The following KCNMA1 variants were observed in gnomAD, a reference collection of about 807,000 sequenced individuals.
KCNMA1 encodes Calcium-activated potassium channel subunit alpha-1.
Under a neutral mutation model 140.0 loss-of-function variants are expected in KCNMA1, and 29 were observed. That is an observed-to-expected ratio of 0.21 (90% CI 0.15 to 0.28). The LOEUF (loss-of-function observed/expected upper bound fraction) is 0.28, where lower values mean the gene tolerates loss of function less well. Ranked by LOEUF, KCNMA1 falls within the 10% of genes least tolerant of loss-of-function variation. The pLI, the probability that KCNMA1 is intolerant of heterozygous loss-of-function variation, is 1.00. For synonymous variants in KCNMA1, 612 were observed against 611.9 expected (o/e 1.00, Z 0.00); for missense variants, 880 against 1,602.2 (o/e 0.55, Z 7.70).
chr10:77,069,649 T>A (rs1282344678), intron 14 of KCNMA1, among the ~76,000 whole-genome samples: 2 of 152,200 alleles, frequency 1.3e-5, no homozygotes, highest in African/African-American at 2.4e-5. Context: ...TTCAGAGATA[T>A]ATCCACATAG....
At chr10:77,537,004 G>A (rs1175778778) in intron 1 of KCNMA1, among the ~76,000 whole-genome samples, 1 of 152,210 alleles carries the variant, frequency 6.6e-6, no homozygotes, top group African/African-American at 2.4e-5. Context: ...GGAAAAATGT[G>A]TATTGACTTT....
chr10:77,040,366 T>TA (rs1359695605), intron 14 of KCNMA1, among the ~76,000 whole-genome samples: 2 of 151,928 alleles, frequency 1.3e-5, no homozygotes, highest in African/African-American at 2.4e-5. Flanking sequence ...AAAACAGAGG[T>TA]AAAAAAATAT....
intron 20 of KCNMA1, among the ~76,000 whole-genome samples, chr10:76,969,282 A>AAGGGAAGGAAGGAAGG (rs2075172158): frequency 3.3e-5 from 1 of 30,728 alleles, no homozygotes; most frequent in Non-Finnish European, 6.2e-5. Context: ...GAGGGGGAAG[A>AAGGGAAGGAAGGAAGG]AGGGAAGGAA....
At chr10:77,023,182 C>T (rs2093051435) in intron 16 of KCNMA1, among the ~76,000 whole-genome samples, 1 of 152,170 alleles carries the variant, frequency 6.6e-6, no homozygotes, top group South Asian at 2.1e-4. Flanking sequence ...GAAAGTAATG[C>T]ATTCCTTTCT....
chr10:77,581,634 C>A lies in KCNMA1; in HGVS notation c.378+55631G>T, dbSNP rs149511695. Among the ~76,000 whole-genome samples, 479 of 152,336 alleles carry A rather than the reference C, an allele frequency of 3.1e-3. 7 individuals carry two copies. Among genetic ancestry groups the A allele is most frequent in the South Asian group, 0.025 (122 of 4,828 alleles). On this transcript the variant is annotated intron_variant, in intron 1 of 27. Transcript: ENST00000286628. ...TTCTGGACTCTTAACTCAGGCAGGA[C>A]AAACAGTTGGTGGCCTGGGCCCACC...
Position 76,885,859 on chromosome 10 carries a change from G to C in KCNMA1, c.*1407C>G, listed in dbSNP as rs1200364465. 1 of 984,886 alleles carries C rather than the reference G, an allele frequency of 1.0e-6. No individual in the cohort carries two copies. The highest frequency in any genetic ancestry group is 1.2e-6 in the Non-Finnish European group (1 of 829,648). The allele number at this position is 984,886 out of a possible 1,614,324, so 61.0% of individuals were successfully genotyped here. ...TTAAAAAAGAAAGAAAACAAAAGAA[G>C]AAAAAAATAACTATACCAAAATGTG... On this transcript the variant is annotated 3_prime_UTR_variant, in exon 28 of 28. Coordinates refer to ENST00000286628, the MANE Select transcript of KCNMA1 (RefSeq NM_001161352.2).
At chr10:77,549,160 T>C (rs1476805427) in intron 1 of KCNMA1, among the ~76,000 whole-genome samples, 2 of 152,154 alleles carry the variant, frequency 1.3e-5, no homozygotes, top group African/African-American at 4.8e-5. Context: ...AACACTGAAG[T>C]AGGAACTCTA....
chr10:77,161,936 C>T (rs577832619), intron 5 of KCNMA1, among the ~76,000 whole-genome samples: 1 of 152,312 alleles, frequency 6.6e-6, no homozygotes, highest in African/African-American at 2.4e-5. Flanking sequence ...ATACCATGCA[C>T]AACAAGCAGA....
intron 14 of KCNMA1, among the ~76,000 whole-genome samples, chr10:77,049,885 T>C (rs1201870069): frequency 1.3e-5 from 2 of 152,250 alleles, no homozygotes; most frequent in Non-Finnish European, 2.9e-5. Context: ...CTGGGAAATT[T>C]TTCATTACAG....
intron 1 of KCNMA1, among the ~76,000 whole-genome samples, chr10:77,460,674 C>G (rs1236569059): frequency 1.3e-5 from 2 of 152,074 alleles, no homozygotes; most frequent in African/African-American, 4.8e-5. Flanking sequence ...CAAAGTCAGA[C>G]AGAAAGTGAT....
intron 1 of KCNMA1, among the ~76,000 whole-genome samples, chr10:77,460,308 G>C (rs2097841881): frequency 6.6e-6 from 1 of 152,108 alleles, no homozygotes. Flanking sequence ...CCAAGCTCAA[G>C]TAGCCTTCCT....
At chr10:76,931,968 A>C (rs2059404277) in intron 23 of KCNMA1, among the ~76,000 whole-genome samples, 1 of 152,220 alleles carries the variant, frequency 6.6e-6, no homozygotes, top group East Asian at 1.9e-4. Context: ...ATCTGGGAGT[A>C]GGAGGGGATG....
At chr10:77,518,258 A>G (rs578084164) in intron 1 of KCNMA1, among the ~76,000 whole-genome samples, 11 of 152,142 alleles carry the variant, frequency 7.2e-5, no homozygotes, top group Non-Finnish European at 1.6e-4. Context: ...TTAGTTTATT[A>G]TTTATTTACT....
chr10:77,364,810 G>C (rs904396555), intron 2 of KCNMA1, among the ~76,000 whole-genome samples: 1 of 152,148 alleles, frequency 6.6e-6, no homozygotes, highest in Non-Finnish European at 1.5e-5. Context: ...CACAGCAGAG[G>C]AGACTACTTA....
chr10:76,884,924 G>A lies in KCNMA1; in HGVS notation c.*2342C>T. The A allele has an allele frequency of 2.0e-6, 3 of 1,484,344 alleles. No individual in the cohort carries two copies. Among genetic ancestry groups the A allele is most frequent in the South Asian group, 1.4e-5 (1 of 70,596 alleles). 91.9% of individuals were successfully genotyped at this position (1,484,344 alleles called of 1,614,324 possible). A position where few individuals can be genotyped will look rare whatever the true frequency, so the allele number is the denominator to read the frequency against. ...TTTAATTTCACAAAAGTTTTCACAA[G>A]GACAACGTTATAGAAGAAAACCCCC... On this transcript the variant is annotated 3_prime_UTR_variant, in exon 28 of 28. Coordinates refer to ENST00000286628, the MANE Select transcript of KCNMA1 (RefSeq NM_001161352.2).
rs199608336 is a variant in KCNMA1 at position 76,884,928 on chromosome 10, A to C, written c.*2338T>G. 1 of 1,501,580 alleles carries C rather than the reference A, an allele frequency of 6.7e-7. No individual in the cohort carries two copies. The highest frequency in any genetic ancestry group is 8.9e-7 in the Non-Finnish European group (1 of 1,128,290). 93.0% of individuals were successfully genotyped at this position (1,501,580 alleles called of 1,614,324 possible). On this transcript the variant is annotated 3_prime_UTR_variant, in exon 28 of 28. Transcript: ENST00000286628. ...ATTTCACAAAAGTTTTCACAAGGAC[A>C]ACGTTATAGAAGAAAACCCCCAGCA...
chr10:77,452,272 G>A (rs17411944), intron 1 of KCNMA1, among the ~76,000 whole-genome samples: 1 of 152,184 alleles, frequency 6.6e-6, no homozygotes, highest in South Asian at 2.1e-4. Flanking sequence ...GACCCCAGAT[G>A]GGGGAGATGA....
At chr10:76,884,754 A>C (rs2036101502), downstream of KCNMA1, 1 of 524,950 alleles carries the variant, frequency 1.9e-6, no homozygotes, top group Non-Finnish European at 3.2e-6. Flanking sequence ...AAAGTGGAAG[A>C]AGGAAGGAAG....
intron 5 of KCNMA1, among the ~76,000 whole-genome samples, chr10:77,128,515 G>A (rs549376111): frequency 8.6e-5 from 13 of 151,382 alleles, no homozygotes; most frequent in African/African-American, 3.2e-4. Context: ...TGACACCTGG[G>A]TCTCAGCACC....
Sources: gnomAD v4.1 joint callset for allele counts (sites outside exome capture counted in the v4.1 genomes callset) on GRCh38, gnomAD v4.1.1 for gene constraint, MANE v1.5 for transcripts, NCBI Gene and HGNC (gene_info 2026-07-23, HGNC 2026-07-21) for gene names.